Variants in ARMH1 observed in about 807,000 individuals in gnomAD.
ARMH1 encodes the protein armadillo-like helical domain containing protein 1.
In ARMH1, 34 loss-of-function variants were observed where a neutral mutation model predicts 50.2. That is an observed-to-expected ratio of 0.68 (90% CI 0.51 to 0.90). The LOEUF is 0.90. Ranked by LOEUF, ARMH1 falls within the 40% of genes least tolerant of loss-of-function variation. ARMH1 has a pLI of 0.00. For synonymous variants in ARMH1, 221 were observed against 224.2 expected (o/e 0.99, Z 0.13); for missense variants, 538 against 553.9 (o/e 0.97, Z 0.29).
intron 1 of ARMH1, among the ~76,000 whole-genome samples, chr1:44,675,815 C>T (rs1323821710): frequency 6.6e-6 from 1 of 152,046 alleles, no homozygotes; most frequent in African/African-American, 2.4e-5. Flanking sequence ...CAAAAATTAG[C>T]CGGGCATGGT....
chr1:44,714,070 C>A (rs1218246095), intron 6 of ARMH1, among the ~76,000 whole-genome samples: 1 of 150,980 alleles, frequency 6.6e-6, no homozygotes, highest in Non-Finnish European at 1.5e-5. Flanking sequence ...GAGATCTAGA[C>A]CATCTGGCTA....
chr1:44,699,375 A>G (rs1361458276), intron 4 of ARMH1, among the ~76,000 whole-genome samples: 1 of 152,066 alleles, frequency 6.6e-6, no homozygotes, highest in African/African-American at 2.4e-5. Flanking sequence ...GGTGCTAGGG[A>G]TACAAAAATG....
chr1:44,698,142 G>C lies in ARMH1; in HGVS notation c.355G>C (p.Glu119Gln). Residue 119 changes from glutamate to glutamine, a missense_variant, in exon 4 of 12, where the codon GAG becomes CAG. By Grantham distance (29) the Glu-to-Gln change is conservative. Transcript: ENST00000535358. ...AATACTTGGGCTAGAGAAGATCAAGGAGGAGGCCAAGAAGGAATCTGTCAA... is the reference window on the plus strand; with the variant it reads ...AATACTTGGGCTAGAGAAGATCAAGCAGGAGGCCAAGAAGGAATCTGTCAA... The part of the protein sequence containing the change: ...LEILGLEKIK[E>Q]EAKKESVKLL... 1 of 1,552,318 alleles carries C rather than the reference G, an allele frequency of 6.4e-7. No individual in the cohort carries two copies. Among genetic ancestry groups the C allele is most frequent in the Non-Finnish European group, 8.7e-7 (1 of 1,147,112 alleles).
At chr1:44,717,676 A>G (rs1476858072) in intron 6 of ARMH1, among the ~76,000 whole-genome samples, 2 of 152,256 alleles carry the variant, frequency 1.3e-5, no homozygotes, top group Non-Finnish European at 2.9e-5. Context: ...GGCCTGGCAC[A>G]GACAAGATGC....
At chr1:44,715,906 A>C (rs1364066075) in intron 6 of ARMH1, among the ~76,000 whole-genome samples, 1 of 152,198 alleles carries the variant, frequency 6.6e-6, no homozygotes, top group Non-Finnish European at 1.5e-5. Context: ...CCAGCACTGC[A>C]CCTAGCACGT....
chr1:44,689,637 A>AT, intron 1 of ARMH1, 39 bp from the exon 2 acceptor site: 1 of 1,466,246 alleles, frequency 6.8e-7, no homozygotes, highest in Admixed American at 2.0e-5. Context: ...CATGATTCTA[A>AT]ACATTCCGGT....
At chr1:44,690,166 C>T (rs558626016) in intron 2 of ARMH1, among the ~76,000 whole-genome samples, 7 of 151,972 alleles carry the variant, frequency 4.6e-5, no homozygotes, top group Non-Finnish European at 8.8e-5. Flanking sequence ...TGCAGTGAGC[C>T]GAGATCATGC....
In ARMH1 at chr1:44,715,253, C is replaced by T. The variant is rs550805293; in HGVS notation, c.725-8869C>T. On this transcript the variant is annotated intron_variant, in intron 6 of 11. Transcript: ENST00000535358. ...TATAAATGATCAGTGCTGTTAGCAC[C>T]CTGGAAATGGCTGCATGGAATATCC... 1.4e-4 allele frequency among the ~76,000 whole-genome samples: 21 copies of T among 152,280 alleles called. No homozygotes were observed. The South Asian group carries it at 4.3e-3, about 32-fold the overall frequency.
In ARMH1 at chr1:44,725,166, G is replaced by C; in HGVS notation, c.1159G>C (p.Asp387His). 5.8e-6 allele frequency: 9 copies of C among 1,552,046 alleles called. No individual in the cohort carries two copies. Among genetic ancestry groups the C allele is most frequent in the Non-Finnish European group, 7.0e-6 (8 of 1,147,052 alleles). ...CGCTGAGGACTTGTACATGAAAATAGACAGCATTCAGGCGGACATCTTGGC... is the reference window on the plus strand; with the variant it reads ...CGCTGAGGACTTGTACATGAAAATACACAGCATTCAGGCGGACATCTTGGC... ...SNAEDLYMKI[D>H]SIQADILAAN... The change falls in exon 11 of 12, where the codon GAC becomes CAC. Residue 387 changes from aspartate to histidine, a missense_variant. Physicochemically the swap from Asp to His is moderately conservative, Grantham distance 81. Coordinates refer to ENST00000535358, the MANE Select transcript of ARMH1 (RefSeq NM_001145636.2).
In ARMH1 at chr1:44,719,946, A is replaced by G. The variant is rs568593157; in HGVS notation, c.725-4176A>G. Among the ~76,000 whole-genome samples, 42 of 152,076 alleles carry G rather than the reference A, an allele frequency of 2.8e-4. No homozygotes were observed. In the East Asian group the frequency reaches 5.6e-3, roughly 20 times the overall value. ...GCAGTGGCTCACGCCTGTAATCCCA[A>G]CACTTTGGGAGGCCAAGGTGGGTGG... On this transcript the variant is annotated intron_variant, in intron 6 of 11. Coordinates refer to ENST00000535358, the MANE Select transcript of ARMH1 (RefSeq NM_001145636.2).
At chr1:44,702,655 T>A (rs1390536595) in intron 5 of ARMH1, among the ~76,000 whole-genome samples, 1 of 134,124 alleles carries the variant, frequency 7.5e-6, no homozygotes, top group East Asian at 2.1e-4. Context: ...GAGGTTGCAG[T>A]GAGCCAAGAT....
At chr1:44,711,259 GA>G (rs1050030254) in intron 6 of ARMH1, among the ~76,000 whole-genome samples, 3 of 152,112 alleles carry the variant, frequency 2.0e-5, no homozygotes, top group African/African-American at 7.2e-5. Context: ...ACTCGTTGAG[GA>G]ACCCACTAAA....
At chr1:44,705,932 G>A (rs1646323974) in intron 6 of ARMH1, among the ~76,000 whole-genome samples, 1 of 152,150 alleles carries the variant, frequency 6.6e-6, no homozygotes, top group African/African-American at 2.4e-5. Context: ...ATGGTAGAAA[G>A]GAAGGCAGAC....
chr1:44,678,841 C>T (rs1319301338), intron 1 of ARMH1, among the ~76,000 whole-genome samples: 2 of 152,156 alleles, frequency 1.3e-5, no homozygotes, highest in Non-Finnish European at 2.9e-5. Flanking sequence ...GAAACAAGAC[C>T]TATTGACCTC....
intron 1 of ARMH1, 83 bp downstream of exon 1, chr1:44,674,956 TGGA>T (rs1645083561): frequency 6.6e-6 from 1 of 151,356 alleles, no homozygotes; most frequent in Non-Finnish European, 1.5e-5. Flanking sequence ...TCTGGATGGA[TGGA>T]TGGATGGATG....
chr1:44,710,608 C>CAA (rs56731047), intron 6 of ARMH1, among the ~76,000 whole-genome samples: 20 of 92,830 alleles, frequency 2.2e-4, no homozygotes, highest in African/African-American at 2.5e-4. Context: ...GACTCCGTCT[C>CAA]AAAAAAAAAA....
intron 6 of ARMH1, 26 bp downstream of exon 6, chr1:44,704,199 G>C (rs1646231807): frequency 6.6e-7 from 1 of 1,515,968 alleles, no homozygotes. Flanking sequence ...ATTGCAGAAG[G>C]GGGCACCGAG....
chr1:44,710,629 A>G (rs1056659822), intron 6 of ARMH1, among the ~76,000 whole-genome samples: 1 of 143,564 alleles, frequency 7.0e-6, no homozygotes, highest in Non-Finnish European at 1.5e-5. Context: ...AAAAAAAAAA[A>G]GAAAAGAAAT....
chr1:44,703,715 G>A (rs1646201159), intron 5 of ARMH1, among the ~76,000 whole-genome samples: 1 of 146,194 alleles, frequency 6.8e-6, no homozygotes, highest in Non-Finnish European at 1.5e-5. Flanking sequence ...GTGACAGAGT[G>A]GGAATACATC....
Sources: allele counts gnomAD v4.1 joint callset (sites outside exome capture counted in the v4.1 genomes callset), GRCh38; gene constraint gnomAD v4.1.1; transcripts MANE v1.5; gene names NCBI Gene and HGNC (gene_info 2026-07-23, HGNC 2026-07-21).